Variants in RGS3 observed in about 807,000 individuals in gnomAD.
The protein encoded by RGS3 is regulator of G protein signaling 3.
RGS3 carries 80 observed loss-of-function variants against 132.6 expected under a neutral mutation model. The ratio of observed to expected loss-of-function variants is 0.60; its 90% CI spans 0.50 to 0.73. RGS3 has a LOEUF of 0.73. Among genes scored for constraint, RGS3 ranks in the 30% least tolerant of loss-of-function variants. RGS3 has a pLI of 0.00. For synonymous variants in RGS3, 598 were observed against 620.6 expected (o/e 0.96, Z 0.54); for missense variants, 1,382 against 1,530.8 (o/e 0.90, Z 1.62).
intron 19 of RGS3, among the ~76,000 whole-genome samples, chr9:113,545,259 G>A (rs948131155): frequency 1.1e-4 from 16 of 152,228 alleles, no homozygotes; most frequent in East Asian, 7.7e-4. Context: ...TGTGCCCAGC[G>A]TAAGTACTGG....
Position 113,565,667 on chromosome 9 carries a change from T to C in RGS3, c.2038-17783T>C, listed in dbSNP as rs757867343. ...CTGCGGGAGGAGCCGGGTGGAAACC[T>C]GGGCGGGCGAGCTGGCAGGAGCGGC... is the stretch of plus-strand genomic sequence containing the variant. On this transcript the variant is annotated intron_variant, in intron 19 of 24. Transcript: ENST00000350696. The surrounding 1 kb of genome is among the most constrained non-coding windows in gnomAD (Gnocchi z 5.7). 4 of 275,862 alleles carry C rather than the reference T, an allele frequency of 1.5e-5. No individual in the cohort carries two copies. The highest frequency in any genetic ancestry group is 1.4e-3 in the Middle Eastern group (1 of 736). 17.1% of individuals were successfully genotyped at this position (275,862 alleles called of 1,614,324 possible). A position where few individuals can be genotyped will look rare whatever the true frequency, so the allele number is the denominator to read the frequency against.
At chr9:113,478,506 G>A (rs914722317) in intron 3 of RGS3, among the ~76,000 whole-genome samples, 69 of 152,160 alleles carry the variant, frequency 4.5e-4, no homozygotes, top group African/African-American at 1.5e-3. Context: ...AAATTTGCTT[G>A]TTCCTTTAAA....
At chr9:113,448,635 C>T (rs966387846) in intron 1 of RGS3, among the ~76,000 whole-genome samples, 3 of 152,220 alleles carry the variant, frequency 2.0e-5, no homozygotes, top group African/African-American at 7.2e-5. Flanking sequence ...TACTGCCAGA[C>T]TGACTTCTGC....
chr9:113,575,444 C>G (rs1834469612), intron 19 of RGS3, among the ~76,000 whole-genome samples: 3 of 152,182 alleles, frequency 2.0e-5, no homozygotes, highest in Non-Finnish European at 1.5e-5. Flanking sequence ...CTTTGCCCCT[C>G]TCTCCTCCTG....
chr9:113,500,687 CTTT>C (rs56957630), intron 10 of RGS3, among the ~76,000 whole-genome samples: 7 of 136,030 alleles, frequency 5.1e-5, no homozygotes, highest in Middle Eastern at 3.5e-3. Flanking sequence ...AATAAATTGA[CTTT>C]TTTTTTTTTT....
At chr9:113,494,137 T>TA (rs200901203) in intron 7 of RGS3, among the ~76,000 whole-genome samples, 15 of 150,896 alleles carry the variant, frequency 9.9e-5, no homozygotes, top group South Asian at 4.2e-4. Flanking sequence ...AAGATGACAT[T>TA]AAAAAAAAAC....
At chr9:113,532,054 AG>A (rs1298605748) in intron 18 of RGS3, among the ~76,000 whole-genome samples, 2 of 152,222 alleles carry the variant, frequency 1.3e-5, no homozygotes, top group African/African-American at 2.4e-5. Context: ...GTCTGTGCCC[AG>A]TGCTTCTGGG....
exon 16 of RGS3, chr9:113,517,617 C>T: frequency 6.2e-7 from 1 of 1,613,490 alleles, no homozygotes; most frequent in East Asian, 2.2e-5. Flanking sequence ...AGGAACAAGG[C>T]TGCCGAGGTA....
At chr9:113,580,692 TG>T (rs1024825162) in intron 19 of RGS3, 2 of 584,522 alleles carry the variant, frequency 3.4e-6, no homozygotes, top group African/African-American at 2.0e-5. Context: ...AGGTGCCCTC[TG>T]GGGGCAGTAC....
At chr9:113,505,366 C>A in intron 10 of RGS3, 76 bp from the exon 9 acceptor site, 2 of 1,318,082 alleles carry the variant, frequency 1.5e-6, no homozygotes, top group Non-Finnish European at 2.2e-6. Flanking sequence ...CAGGGGTGGG[C>A]TGTGGGCTTC....
chr9:113,543,846 C>T (rs1412779228), intron 19 of RGS3, among the ~76,000 whole-genome samples: 1 of 152,206 alleles, frequency 6.6e-6, no homozygotes, highest in Admixed American at 6.5e-5. Flanking sequence ...CCAGGTCCGG[C>T]TGTTAGGGAA....
At chr9:113,594,556 A>G (rs754871188) in intron 22 of RGS3, 25 bp downstream of exon 20, 10 of 1,596,416 alleles carry the variant, frequency 6.3e-6, no homozygotes, top group Non-Finnish European at 8.6e-6. Flanking sequence ...GCACCCTGGG[A>G]CCCTTTGGGG....
intron 18 of RGS3, chr9:113,536,434 C>T (rs1832678235): frequency 1.0e-6 from 1 of 989,794 alleles, no homozygotes; most frequent in South Asian, 4.3e-5. Flanking sequence ...GCCTGAGGCC[C>T]TGGCCCTCTG....
At chr9:113,470,364 A>G (rs1829791649) in intron 3 of RGS3, among the ~76,000 whole-genome samples, 1 of 152,108 alleles carries the variant, frequency 6.6e-6, no homozygotes, top group South Asian at 2.1e-4. Context: ...TCCCACTGTG[A>G]TTGTAAATTT....
chr9:113,563,986 C>T (rs1588256407), intron 19 of RGS3, among the ~76,000 whole-genome samples: 1 of 152,036 alleles, frequency 6.6e-6, no homozygotes, highest in Non-Finnish European at 1.5e-5. Context: ...TTTTCTGTGC[C>T]ATCATCCCAG....
intron 19 of RGS3, chr9:113,581,736 G>C (rs917538785): frequency 6.6e-6 from 1 of 152,344 alleles, no homozygotes; most frequent in Non-Finnish European, 1.5e-5. Context: ...CAGCCTTTCT[G>C]TCTATGCAGT....
At chr9:113,476,274 G>C (rs115079048) in intron 3 of RGS3, among the ~76,000 whole-genome samples, 1,591 of 152,172 alleles carry the variant, frequency 0.01, 35 homozygotes, top group African/African-American at 0.035. Flanking sequence ...GTGCTGGAGT[G>C]GGGGTAGAGT....
intron 19 of RGS3, 45 bp downstream of exon 17, chr9:113,536,963 C>A: frequency 1.3e-6 from 2 of 1,583,600 alleles, no homozygotes; most frequent in South Asian, 2.2e-5. Context: ...CTCGTTTCCC[C>A]TCAGCCAGCC....
At position 113,499,441 on chromosome 9, in the gene RGS3, G is replaced by A. The variant is rs181610687; in HGVS notation, c.897+1361G>A. 1.8e-4 allele frequency among the ~76,000 whole-genome samples: 27 copies of A among 152,298 alleles called. No individual in the cohort carries two copies. The East Asian group carries it at 5.2e-3, about 29-fold the overall frequency. On this transcript the variant is annotated intron_variant, in intron 10 of 24. Coordinates refer to ENST00000350696, the Ensembl canonical transcript of RGS3. Reference sequence around the variant, plus strand: ...GAAGGCAGGCTCTGAGTGAGGGCTGGCCACCTTTTCAGTGTGCTGTGGCAC... The same window carrying A: ...GAAGGCAGGCTCTGAGTGAGGGCTGACCACCTTTTCAGTGTGCTGTGGCAC...
Sources: gnomAD v4.1 joint callset for allele counts (sites outside exome capture counted in the v4.1 genomes callset) on GRCh38, gnomAD v4.1.1 for gene constraint, Gnocchi (gnomAD v3.1) non-coding constraint, MANE v1.5 for transcripts, NCBI Gene and HGNC (gene_info 2026-07-23, HGNC 2026-07-21) for gene names.